UBE2G1: variants seen among roughly 807,000 people sequenced by gnomAD.
The protein encoded by UBE2G1 is ubiquitin conjugating enzyme E2 G1.
In UBE2G1, 5 loss-of-function variants were observed where a neutral mutation model predicts 22.7. The ratio of observed to expected loss-of-function variants is 0.22; its 90% confidence interval spans 0.12 to 0.46. The LOEUF (loss-of-function observed/expected upper bound fraction) is 0.46. UBE2G1 is among the 20% of genes least tolerant of loss of function. UBE2G1 has a pLI of 0.99. For missense variants in UBE2G1, 88 were observed against 203.9 expected (o/e 0.43, Z 3.46); for synonymous variants, 74 against 67.5 (o/e 1.10, Z -0.47).
At chr17:4,321,844 C>T (rs1322450548) in intron 1 of UBE2G1, among the ~76,000 whole-genome samples, 1 of 152,064 alleles carries the variant, frequency 6.6e-6, no homozygotes, top group African/African-American at 2.4e-5. Flanking sequence ...CATTTAAACC[C>T]CTAATTTTCC....
intron 1 of UBE2G1, among the ~76,000 whole-genome samples, chr17:4,352,293 ACTCATGG>A (rs1390292916): frequency 1.3e-5 from 2 of 152,140 alleles, no homozygotes; most frequent in Admixed American, 1.3e-4. Context: ...GCAGTGATGC[ACTCATGG>A]CTCACTGCAG....
intron 1 of UBE2G1, among the ~76,000 whole-genome samples, chr17:4,358,281 T>C (rs559022785): frequency 6.6e-6 from 1 of 152,240 alleles, no homozygotes; most frequent in South Asian, 2.1e-4. Context: ...CCTTATTTTT[T>C]AGGCAGGGCC....
At position 4,279,785 on chromosome 17, in the gene UBE2G1, T is replaced by TTTTATATA. The variant is rs1334257201; in HGVS notation, c.*37+3012_*37+3013insTATATAAA. Among the ~76,000 whole-genome samples, 20 of 68,896 alleles carry TTTTATATA rather than the reference T, an allele frequency of 2.9e-4. 1 individual carries two copies. The highest frequency in any genetic ancestry group is 8.2e-4 in the African/African-American group (19 of 23,128). The allele number at this position is 68,896 out of a possible 152,430, so 45.2% of individuals were successfully genotyped here. A position where few individuals can be genotyped will look rare whatever the true frequency, so the allele number is the denominator to read the frequency against. The stretch of plus-strand genomic sequence containing the variant: ...GCGAAACTCTGCCCCCAAAAAAAAG[T>TTTTATATA]TATATATATATATATATATATATAT... On this transcript the variant is annotated intron_variant, in intron 5 of 5. Coordinates refer to ENST00000396981, the MANE Select transcript of UBE2G1 (RefSeq NM_003342.5).
chr17:4,330,928 G>A (rs1969568351), intron 1 of UBE2G1, among the ~76,000 whole-genome samples: 1 of 146,836 alleles, frequency 6.8e-6, no homozygotes, highest in Non-Finnish European at 1.5e-5. Flanking sequence ...TGCCAAAATA[G>A]CCATAAAAAA....
intron 1 of UBE2G1, among the ~76,000 whole-genome samples, chr17:4,312,674 C>G (rs1421055085): frequency 8.6e-6 from 1 of 116,198 alleles, no homozygotes; most frequent in Admixed American, 1.3e-4. Flanking sequence ...CCAGCCTGGG[C>G]GATAGAGCAA....
At chr17:4,346,320 T>A (rs563150845) in intron 1 of UBE2G1, among the ~76,000 whole-genome samples, 2 of 152,172 alleles carry the variant, frequency 1.3e-5, no homozygotes, top group Non-Finnish European at 2.9e-5. Flanking sequence ...TCCAGACTTA[T>A]ACCGAAATAA....
At chr17:4,294,277 G>A (rs576141725) in intron 3 of UBE2G1, among the ~76,000 whole-genome samples, 140 of 152,160 alleles carry the variant, frequency 9.2e-4, no homozygotes, top group African/African-American at 3.1e-3. Flanking sequence ...TTAGCCAGGC[G>A]TGGTAGTGGA....
At chr17:4,354,021 T>C (rs1324787810) in intron 1 of UBE2G1, among the ~76,000 whole-genome samples, 1 of 152,078 alleles carries the variant, frequency 6.6e-6, no homozygotes, top group Non-Finnish European at 1.5e-5. Context: ...AACGTCAACC[T>C]TTCCAGATAG....
chr17:4,302,587 T>C (rs922788347), intron 2 of UBE2G1: 7 of 395,998 alleles, frequency 1.8e-5, no homozygotes, highest in African/African-American at 1.2e-4. Flanking sequence ...TTGCCTGTGA[T>C]TCTATGTGAC....
At position 4,269,888 on chromosome 17, in the gene UBE2G1, C is replaced by T. The variant is rs192596767; in HGVS notation, c.*2666G>A. 5.2e-5 allele frequency: 8 copies of T among 154,536 alleles called. No homozygotes were observed. In the East Asian group the frequency reaches 1.3e-3, roughly 26 times the overall value. 9.6% of individuals were successfully genotyped at this position (154,536 alleles called of 1,614,324 possible). ...GAGGAATCGCCTCACACTGATGAGGCACTGGTGGGACAAAAGCCACCTCGT... is the reference window on the plus strand; with the variant it reads ...GAGGAATCGCCTCACACTGATGAGGTACTGGTGGGACAAAAGCCACCTCGT... On this transcript the variant is annotated 3_prime_UTR_variant, in exon 6 of 6. Coordinates refer to ENST00000396981, the MANE Select transcript of UBE2G1 (RefSeq NM_003342.5).
chr17:4,335,003 G>A (rs572577317), intron 1 of UBE2G1, among the ~76,000 whole-genome samples: 2 of 152,102 alleles, frequency 1.3e-5, no homozygotes, highest in Admixed American at 1.3e-4. Context: ...AAACAAACAT[G>A]ATATCAAACA....
In UBE2G1 at chr17:4,365,322, C is replaced by A. The variant is rs185505213; in HGVS notation, c.46+949G>T. Among the ~76,000 whole-genome samples the A allele has an allele frequency of 8.1e-4, 123 of 152,370 alleles. 1 individual carries two copies. The highest frequency in any genetic ancestry group is 2.7e-3 in the African/African-American group (114 of 41,588). On this transcript the variant is annotated intron_variant, in intron 1 of 5. Coordinates refer to ENST00000396981, the MANE Select transcript of UBE2G1 (RefSeq NM_003342.5). ...GTGAAGCCACCAACCCGCCTCCCCC[C>A]TTCCACTCCGCACACGGACGTCTCC...
At chr17:4,348,438 A>G (rs1037373809) in intron 1 of UBE2G1, among the ~76,000 whole-genome samples, 1 of 150,364 alleles carries the variant, frequency 6.7e-6, no homozygotes, top group African/African-American at 2.4e-5. Context: ...CTGTAGTCCC[A>G]GCTACTTGGG....
At chr17:4,277,279 G>A (rs1050302095) in intron 5 of UBE2G1, among the ~76,000 whole-genome samples, 2 of 152,178 alleles carry the variant, frequency 1.3e-5, no homozygotes, top group Non-Finnish European at 2.9e-5. Context: ...GAGACCCGGA[G>A]TCAACCAAGC....
chr17:4,344,888 G>A (rs893567312), intron 1 of UBE2G1, among the ~76,000 whole-genome samples: 15 of 152,158 alleles, frequency 9.9e-5, no homozygotes, highest in African/African-American at 3.6e-4. Flanking sequence ...AAAAATAAAA[G>A]GGATGAGAGT....
At position 4,342,514 on chromosome 17, in the gene UBE2G1, C is replaced by T. The variant is rs187252660; in HGVS notation, c.46+23757G>A. ...AAGCTGAGGCTTGAGCCCAGGGGTT[C>T]GAGGCTGTGGTGAGCCATGTTTGTG... On this transcript the variant is annotated intron_variant, in intron 1 of 5. Transcript: ENST00000396981. Among the ~76,000 whole-genome samples the T allele has an allele frequency of 7.9e-3, 1,202 of 152,210 alleles. 9 individuals are homozygous for T. The highest frequency in any genetic ancestry group is 0.013 in the Non-Finnish European group (915 of 67,994).
intron 1 of UBE2G1, among the ~76,000 whole-genome samples, chr17:4,359,062 T>A (rs533821998): frequency 1.3e-5 from 2 of 152,044 alleles, no homozygotes; most frequent in Non-Finnish European, 2.9e-5. Context: ...AATATGATAA[T>A]GTAATTAAAA....
intron 1 of UBE2G1, among the ~76,000 whole-genome samples, chr17:4,359,933 G>T (rs1191851863): frequency 6.6e-6 from 1 of 150,726 alleles, no homozygotes; most frequent in Admixed American, 6.6e-5. Context: ...GGGGGAAAAA[G>T]TTTAGAATGT....
intron 1 of UBE2G1, among the ~76,000 whole-genome samples, chr17:4,310,484 G>A (rs949110753): frequency 2.0e-5 from 3 of 152,194 alleles, no homozygotes; most frequent in Non-Finnish European, 4.4e-5. Context: ...TTTAGGTAGA[G>A]GAGCATGTAC....
Sources: gnomAD v4.1 joint callset for allele counts (sites outside exome capture counted in the v4.1 genomes callset) on GRCh38, gnomAD v4.1.1 for gene constraint, MANE v1.5 for transcripts, NCBI Gene and HGNC (gene_info 2026-07-23, HGNC 2026-07-21) for gene names.